Variants in DOCK10 observed in about 807,000 individuals in gnomAD.
DOCK10 encodes the protein dedicator of cytokinesis 10, also known as dedicator of cytokinesis protein 10.
DOCK10 carries 145 observed loss-of-function variants against 280.1 expected under a neutral mutation model. The ratio of observed to expected loss-of-function variants is 0.52; its 90% CI spans 0.45 to 0.59. DOCK10 has a LOEUF of 0.59. DOCK10 is among the 20% of genes least tolerant of loss of function. The pLI is 0.00. For synonymous variants in DOCK10, 915 were observed against 942.2 expected, an observed-to-expected ratio of 0.97 and a Z score of 0.53; for missense variants, 2,368 against 2,651.7, an observed-to-expected ratio of 0.89 and a Z score of 2.35.
At chr2:224,907,427 C>T (rs1700715196) in intron 3 of DOCK10, among the ~76,000 whole-genome samples, 1 of 152,156 alleles carries the variant, frequency 6.6e-6, no homozygotes, top group African/African-American at 2.4e-5. Context: ...GTGGCTCACG[C>T]CTGTAATCTC....
intron 3 of DOCK10, among the ~76,000 whole-genome samples, chr2:224,900,042 A>G (rs1700204956): frequency 6.6e-6 from 1 of 152,158 alleles, no homozygotes; most frequent in Non-Finnish European, 1.5e-5. Context: ...CATCATTTCT[A>G]TCTCCACACT....
intron 27 of DOCK10, among the ~76,000 whole-genome samples, chr2:224,827,814 T>C (rs1040556941): frequency 1.3e-5 from 2 of 152,176 alleles, no homozygotes; most frequent in Admixed American, 6.5e-5. Context: ...TTAAGAGTTA[T>C]GGAACTCCAC....
chr2:224,775,700 T>C (rs1237252411), intron 51 of DOCK10, among the ~76,000 whole-genome samples: 6 of 152,214 alleles, frequency 3.9e-5, no homozygotes, highest in Admixed American at 3.9e-4. Context: ...GGTCTCAAAC[T>C]CCTGGCCTCA....
intron 2 of DOCK10, among the ~76,000 whole-genome samples, chr2:224,918,464 A>T (rs1221751357): frequency 2.0e-5 from 3 of 147,724 alleles, no homozygotes; most frequent in Non-Finnish European, 4.5e-5. Flanking sequence ...TTATGTGAGC[A>T]TGTGTGGTGA....
chr2:224,797,796 C>T (rs1259578433), intron 42 of DOCK10, 36 bp downstream of exon 42: 2 of 1,600,428 alleles, frequency 1.2e-6, no homozygotes, highest in Non-Finnish European at 8.5e-7. Flanking sequence ...TTACTGTCAT[C>T]CTACCTAAAC....
At chr2:225,001,383 G>A (rs374331776) in intron 1 of DOCK10, among the ~76,000 whole-genome samples, 8 of 145,196 alleles carry the variant, frequency 5.5e-5, no homozygotes, top group Admixed American at 2.1e-4. Flanking sequence ...TCCGCCTCCC[G>A]GGTTTACGCC....
chr2:224,921,112 A>AAAAATATATATATATAT, intron 2 of DOCK10, among the ~76,000 whole-genome samples: 1 of 54,412 alleles, frequency 1.8e-5, no homozygotes, highest in African/African-American at 1.6e-4. Context: ...AAAAAAAAAA[A>AAAAATATATATATATAT]ATATATATAT....
chr2:224,831,087 C>G (rs1574900110), intron 26 of DOCK10, among the ~76,000 whole-genome samples: 1 of 152,102 alleles, frequency 6.6e-6, no homozygotes, highest in Non-Finnish European at 1.5e-5. Context: ...ATGTGGTCAC[C>G]ATGCCCAGCT....
intron 3 of DOCK10, among the ~76,000 whole-genome samples, chr2:224,905,100 G>A (rs575996842): frequency 6.6e-5 from 10 of 152,202 alleles, no homozygotes; most frequent in African/African-American, 2.2e-4. Flanking sequence ...AGAAGAGGAA[G>A]ACAAAGAGAT....
intron 31 of DOCK10, among the ~76,000 whole-genome samples, chr2:224,810,936 A>G (rs2125252427): frequency 6.6e-6 from 1 of 152,148 alleles, no homozygotes; most frequent in African/African-American, 2.4e-5. Flanking sequence ...ATAGTGCCGC[A>G]ATAAACATAC....
intron 22 of DOCK10, among the ~76,000 whole-genome samples, chr2:224,842,967 C>T (rs1696064717): frequency 6.6e-6 from 1 of 152,138 alleles, no homozygotes; most frequent in Non-Finnish European, 1.5e-5. Context: ...GAGGAAGTGA[C>T]AACTGAGCTA....
chr2:225,041,237 C>G (rs1690414893), intron 1 of DOCK10, among the ~76,000 whole-genome samples: 1 of 152,150 alleles, frequency 6.6e-6, no homozygotes, highest in Non-Finnish European at 1.5e-5. Flanking sequence ...TAAAAAGAGC[C>G]GTTTAGTTCC....
intron 7 of DOCK10, among the ~76,000 whole-genome samples, chr2:224,883,525 A>G (rs1699096033): frequency 6.6e-6 from 1 of 152,234 alleles, no homozygotes; most frequent in Admixed American, 6.5e-5. Context: ...GAAAGGCTAA[A>G]TACACTATCT....
At position 224,804,966 on chromosome 2, in the gene DOCK10, T is replaced by C. The variant is rs997556907; in HGVS notation, c.4118+92A>G. On this transcript the variant is annotated intron_variant, in intron 37 of 55. Coordinates refer to ENST00000258390, the MANE Select transcript of DOCK10 (RefSeq NM_014689.3). ...AAATAGTTCATATATTATTGATAAC[T>C]TACTATATGGGTTCTTGAAATGAAA... is the stretch of plus-strand genomic sequence containing the variant. 2.3e-6 allele frequency: 3 copies of C among 1,281,994 alleles called. No homozygotes were observed. The African/African-American group carries it at 4.6e-5, about 19-fold the overall frequency. 79.4% of individuals were successfully genotyped at this position (1,281,994 alleles called of 1,614,324 possible).
rs750056919 is a variant in DOCK10 at position 224,770,338 on chromosome 2, T to C, written c.6317A>G (p.Asp2106Gly). 2.5e-6 allele frequency: 4 copies of C among 1,598,648 alleles called. No homozygotes were observed. The highest frequency in any genetic ancestry group is 1.1e-5 in the South Asian group (1 of 88,316). The change falls in exon 55 of 56, where the codon GAT (aspartate) becomes GGT (glycine). Residue 2106 changes from aspartate to glycine, a missense_variant. Asp to Gly is a moderately conservative substitution (Grantham distance 94, BLOSUM62 -1). Coordinates refer to ENST00000258390, the MANE Select transcript of DOCK10 (RefSeq NM_014689.3). This position sits in a 1 kb window ranked among gnomAD's most constrained non-coding sequence, Gnocchi z 4.5. Reference sequence around the variant, plus strand: ...CACGTCAAGGGCCTGCCCACATGCATCTGCAAATTGCCTTTAGCGACAGCA... The same window carrying C: ...CACGTCAAGGGCCTGCCCACATGCACCTGCAAATTGCCTTTAGCGACAGCA... ...LLKEIFRQFA[D>G]ACGQALDVNE...
At chr2:224,849,664 G>T in intron 18 of DOCK10, 65 bp from the exon 19 acceptor site, 1 of 1,185,568 alleles carries the variant, frequency 8.4e-7, no homozygotes, top group Non-Finnish European at 1.2e-6. Context: ...TGAAAAAAAA[G>T]TCCATAACTC....
At chr2:224,937,333 A>T (rs1052414927) in intron 1 of DOCK10, among the ~76,000 whole-genome samples, 1 of 152,138 alleles carries the variant, frequency 6.6e-6, no homozygotes, top group East Asian at 1.9e-4. Flanking sequence ...AAGTATGAAA[A>T]GTGGTAAGTG....
intron 1 of DOCK10, among the ~76,000 whole-genome samples, chr2:225,022,946 C>A (rs1180828122): frequency 6.6e-6 from 1 of 152,194 alleles, no homozygotes; most frequent in Non-Finnish European, 1.5e-5. Context: ...TGGAAAGATA[C>A]TGTTCCTAAT....
At chr2:224,934,798 A>G (rs1472449482) in intron 1 of DOCK10, among the ~76,000 whole-genome samples, 3 of 152,214 alleles carry the variant, frequency 2.0e-5, no homozygotes, top group African/African-American at 7.2e-5. Context: ...GGGATAAGGT[A>G]TGTGCCAAGA....
Sources: allele counts gnomAD v4.1 joint callset (sites outside exome capture counted in the v4.1 genomes callset), GRCh38; gene constraint gnomAD v4.1.1; non-coding constraint Gnocchi (gnomAD v3.1); transcripts MANE v1.5; gene names NCBI Gene and HGNC (gene_info 2026-07-23, HGNC 2026-07-21).